The following RFTN1 variants were observed in gnomAD, a reference collection of about 807,000 sequenced individuals.
RFTN1 encodes the protein raftlin, lipid raft linker 1.
A neutral mutation model predicts 46.5 loss-of-function variants in RFTN1; 26 were observed. That is an observed-to-expected ratio of 0.56 (90% CI 0.41 to 0.78). The LOEUF is 0.78. RFTN1 is among the 30% of genes least tolerant of loss of function. The pLI, the probability that RFTN1 is intolerant of heterozygous loss-of-function variation, is 0.00. For synonymous variants in RFTN1, 261 were observed against 284.2 expected (o/e 0.92, Z 0.82); for missense variants, 693 against 718.7 (o/e 0.96, Z 0.41).
rs2075946157 is a variant in RFTN1, at chr3:16,458,186, AC to A, written c.146-24150del. Among the ~76,000 whole-genome samples the A allele has an allele frequency of 2.0e-5, 3 of 152,228 alleles. No individual in the cohort carries two copies. In the South Asian group the frequency reaches 6.2e-4, roughly 32 times the overall value. ...AGACTAAGACAGACATTCTTTGAGCACCTACTATGTGCCATGCTTGTGTTAG... is the reference window on the plus strand; with the variant it reads ...AGACTAAGACAGACATTCTTTGAGCACTACTATGTGCCATGCTTGTGTTAG... On this transcript the variant is annotated intron_variant, in intron 2 of 9. Transcript: ENST00000334133. This position sits in a 1 kb window ranked among gnomAD's most constrained non-coding sequence, Gnocchi z 5.1.
rs1400273454 is a variant in RFTN1, at chr3:16,329,668, C to A, written c.1147-2792G>T. On this transcript the variant is annotated intron_variant, in intron 7 of 9. Transcript: ENST00000334133. The surrounding 1 kb of genome is among the most constrained non-coding windows in gnomAD (Gnocchi z 4.5). Reference sequence around the variant, plus strand: ...GAATCCCTGCCCCCATCCCCGTATTCCCAGTTTAAAGAGAGGAGGAAAACC... The same window carrying A: ...GAATCCCTGCCCCCATCCCCGTATTACCAGTTTAAAGAGAGGAGGAAAACC... Among the ~76,000 whole-genome samples, 1 of 152,164 alleles carries A rather than the reference C, an allele frequency of 6.6e-6. No homozygotes were observed. Among genetic ancestry groups the A allele is most frequent in the Non-Finnish European group, 1.5e-5 (1 of 68,022 alleles).
In RFTN1 at chr3:16,466,611, C is replaced by T. The variant is rs752706957; in HGVS notation, c.145+27114G>A. ...CTAATTTAAGGAAAAAGTAAAACAC[C>T]AACCATCCTCAGAAACCAACCTTCT... On this transcript the variant is annotated intron_variant, in intron 2 of 9. Coordinates refer to ENST00000334133, the MANE Select transcript of RFTN1 (RefSeq NM_015150.2). The surrounding 1 kb of genome is among the most constrained non-coding windows in gnomAD (Gnocchi z 5.6). Among the ~76,000 whole-genome samples the T allele has an allele frequency of 6.6e-6, 1 of 152,154 alleles. No homozygotes were observed. The highest frequency in any genetic ancestry group is 1.5e-5 in the Non-Finnish European group (1 of 68,026).
In RFTN1 at chr3:16,410,816, C is replaced by A. The variant is rs1439527932; in HGVS notation, c.333-1333G>T. ...AACTGCACCCATTCAGGAGAGCCAG[C>A]AGCAAGTGGTCACCAGGAGGAAATT... On this transcript the variant is annotated intron_variant, in intron 3 of 9. Coordinates refer to ENST00000334133, the MANE Select transcript of RFTN1 (RefSeq NM_015150.2). The surrounding 1 kb of genome is among the most constrained non-coding windows in gnomAD (Gnocchi z 4.6). 6.6e-6 allele frequency among the ~76,000 whole-genome samples: 1 copy of A among 152,204 alleles called. No individual in the cohort carries two copies. The highest frequency in any genetic ancestry group is 6.5e-5 in the Admixed American group (1 of 15,280).
At chr3:16,464,508 G>T (rs1165554616) in intron 2 of RFTN1, among the ~76,000 whole-genome samples, 1 of 152,194 alleles carries the variant, frequency 6.6e-6, no homozygotes, top group South Asian at 2.1e-4. Context: ...GCCAGAAACA[G>T]AAATTTCTCC....
At position 16,395,086 on chromosome 3, in the gene RFTN1, T is replaced by C. The variant is rs2125410108; in HGVS notation, c.441+14289A>G. 1.3e-5 allele frequency among the ~76,000 whole-genome samples: 2 copies of C among 152,370 alleles called. 1 individual carries two copies. The highest frequency in any genetic ancestry group is 1.3e-4 in the Admixed American group (2 of 15,312). On this transcript the variant is annotated intron_variant, in intron 4 of 9. Coordinates refer to ENST00000334133, the MANE Select transcript of RFTN1 (RefSeq NM_015150.2). ...AAGCACCATTTCCAAGTTTATACAATTTATATAATTTAAAATATGCATGTG... is the reference window on the plus strand; with the variant it reads ...AAGCACCATTTCCAAGTTTATACAACTTATATAATTTAAAATATGCATGTG...
intron 5 of RFTN1, among the ~76,000 whole-genome samples, chr3:16,371,915 G>A (rs141505304): frequency 2.6e-5 from 4 of 152,276 alleles, no homozygotes; most frequent in South Asian, 4.2e-4. Flanking sequence ...GAAATGGAGC[G>A]ACACAGAGGA....
At chr3:16,441,237 G>C (rs2075616108) in intron 2 of RFTN1, among the ~76,000 whole-genome samples, 1 of 138,374 alleles carries the variant, frequency 7.2e-6, no homozygotes, top group South Asian at 2.4e-4. Flanking sequence ...TTTGAAATAA[G>C]TGTTTTGTTT....
chr3:16,407,171 A>T lies in RFTN1; in HGVS notation c.441+2204T>A. ...TTGGTTAAGACAAAGTCACCAACTC[A>T]TATCAACTCATATGTTTTCTTTCTT... On this transcript the variant is annotated intron_variant, in intron 4 of 9. Transcript: ENST00000334133. This position sits in a 1 kb window ranked among gnomAD's most constrained non-coding sequence, Gnocchi z 4.0. Among the ~76,000 whole-genome samples, 1 of 152,122 alleles carries T rather than the reference A, an allele frequency of 6.6e-6. No individual in the cohort carries two copies. The highest frequency in any genetic ancestry group is 1.9e-4 in the East Asian group (1 of 5,190).
chr3:16,353,320 AG>A lies in RFTN1; in HGVS notation c.1146+4611del, dbSNP rs1356495794. Among the ~76,000 whole-genome samples the A allele has an allele frequency of 2.0e-5, 3 of 152,218 alleles. No homozygotes were observed. The highest frequency in any genetic ancestry group is 7.2e-5 in the African/African-American group (3 of 41,534). On this transcript the variant is annotated intron_variant, in intron 7 of 9. Coordinates refer to ENST00000334133, the MANE Select transcript of RFTN1 (RefSeq NM_015150.2). This position sits in a 1 kb window ranked among gnomAD's most constrained non-coding sequence, Gnocchi z 5.4. ...TGGAAAAATGCCCCCAGCCTTAGAG[AG>A]GGGCAGGCAGGAGAGGGGCTGTCTG...
rs2075646342 is a variant in RFTN1, at chr3:16,442,477, G to C, written c.146-8440C>G. Among the ~76,000 whole-genome samples, 1 of 151,882 alleles carries C rather than the reference G, an allele frequency of 6.6e-6. No homozygotes were observed. The highest frequency in any genetic ancestry group is 2.1e-4 in the South Asian group (1 of 4,812). Reference sequence around the variant, plus strand: ...ATGGATTTTTGTTGTGTATATTCAAGGTGTACAACATGATGCCTCAATGTA... The same window carrying C: ...ATGGATTTTTGTTGTGTATATTCAACGTGTACAACATGATGCCTCAATGTA... On this transcript the variant is annotated intron_variant, in intron 2 of 9. Coordinates refer to ENST00000334133, the MANE Select transcript of RFTN1 (RefSeq NM_015150.2). This position sits in a 1 kb window ranked among gnomAD's most constrained non-coding sequence, Gnocchi z 4.1.
chr3:16,395,512 C>T (rs1039971708), intron 4 of RFTN1, among the ~76,000 whole-genome samples: 2 of 151,778 alleles, frequency 1.3e-5, no homozygotes, highest in African/African-American at 4.8e-5. Flanking sequence ...GTGGTGTGAT[C>T]ATAGCTCACT....
chr3:16,496,837 A>G (rs2076633888), intron 1 of RFTN1, among the ~76,000 whole-genome samples: 1 of 152,212 alleles, frequency 6.6e-6, no homozygotes, highest in African/African-American at 2.4e-5. Context: ...AACACCTTCC[A>G]GGAGAATAGA....
chr3:16,470,441 C>T (rs1223124366), intron 2 of RFTN1, among the ~76,000 whole-genome samples: 4 of 152,152 alleles, frequency 2.6e-5, no homozygotes, highest in African/African-American at 7.2e-5. Flanking sequence ...AGCTAAAACT[C>T]GGACAGAAAC....
In RFTN1 at chr3:16,457,826, C is replaced by T. The variant is rs1262725777; in HGVS notation, c.146-23789G>A. On this transcript the variant is annotated intron_variant, in intron 2 of 9. Transcript: ENST00000334133. The surrounding 1 kb of genome is among the most constrained non-coding windows in gnomAD (Gnocchi z 4.2). ...TGTGTTGGAAACTTAATCCTCAACG[C>T]AGCAGTGAAGGGAGGTGAGTCCTTT... 6.6e-6 allele frequency among the ~76,000 whole-genome samples: 1 copy of T among 152,154 alleles called. No individual in the cohort carries two copies. Among genetic ancestry groups the T allele is most frequent in the Non-Finnish European group, 1.5e-5 (1 of 68,030 alleles).
chr3:16,433,185 T>TTTA lies in RFTN1; in HGVS notation c.332+665_332+666insTAA, dbSNP rs3054563. Among the ~76,000 whole-genome samples, 28 of 150,246 alleles carry TTTA rather than the reference T, an allele frequency of 1.9e-4. No homozygotes were observed. The South Asian group carries it at 3.6e-3, about 19-fold the overall frequency. ...TCCCATCCTCACTGTTTTTTTTTTT[T>TTTA]AAAAAAATTAATATTGTTCCTTTTG... On this transcript the variant is annotated intron_variant, in intron 3 of 9. Transcript: ENST00000334133. The surrounding 1 kb of genome is among the most constrained non-coding windows in gnomAD (Gnocchi z 4.4).
chr3:16,367,812 G>A (rs751822414), intron 6 of RFTN1, among the ~76,000 whole-genome samples: 2 of 152,186 alleles, frequency 1.3e-5, no homozygotes, highest in African/African-American at 2.4e-5. Flanking sequence ...TAGAGGAACA[G>A]CAAATGGGTT....
In RFTN1 at chr3:16,342,658, G is replaced by T. The variant is rs1262866793; in HGVS notation, c.1146+15274C>A. 6.6e-6 allele frequency among the ~76,000 whole-genome samples: 1 copy of T among 152,156 alleles called. No individual in the cohort carries two copies. Among genetic ancestry groups the T allele is most frequent in the Non-Finnish European group, 1.5e-5 (1 of 68,034 alleles). On this transcript the variant is annotated intron_variant, in intron 7 of 9. Transcript: ENST00000334133. The surrounding 1 kb of genome is among the most constrained non-coding windows in gnomAD (Gnocchi z 4.0). ...TAAGAATGAAAGCAGAGGCCTCTTGGCCTCACTAGACTAGTTCTCAAGCCT... is the reference window on the plus strand; with the variant it reads ...TAAGAATGAAAGCAGAGGCCTCTTGTCCTCACTAGACTAGTTCTCAAGCCT...
intron 9 of RFTN1, among the ~76,000 whole-genome samples, chr3:16,319,805 G>A (rs1355270825): frequency 6.6e-6 from 1 of 152,222 alleles, no homozygotes; most frequent in Non-Finnish European, 1.5e-5. Flanking sequence ...GAGGAGGCCT[G>A]GACTGTGCCA....
At position 16,448,289 on chromosome 3, in the gene RFTN1, A is replaced by G. The variant is rs908100265; in HGVS notation, c.146-14252T>C. 6.6e-6 allele frequency among the ~76,000 whole-genome samples: 1 copy of G among 152,298 alleles called. No homozygotes were observed. The highest frequency in any genetic ancestry group is 1.5e-5 in the Non-Finnish European group (1 of 68,008). On this transcript the variant is annotated intron_variant, in intron 2 of 9. Transcript: ENST00000334133. The surrounding 1 kb of genome is among the most constrained non-coding windows in gnomAD (Gnocchi z 4.1). ...TTTTTCAATGGCATTCACAAGTCATATTGTATTTCTATTGGACTGCTCTGT... is the reference window on the plus strand; with the variant it reads ...TTTTTCAATGGCATTCACAAGTCATGTTGTATTTCTATTGGACTGCTCTGT...
Sources: allele counts gnomAD v4.1 joint callset (sites outside exome capture counted in the v4.1 genomes callset), GRCh38; gene constraint gnomAD v4.1.1; non-coding constraint Gnocchi (gnomAD v3.1); transcripts MANE v1.5; gene names NCBI Gene and HGNC (gene_info 2026-07-23, HGNC 2026-07-21).